IRAG1: variants seen among roughly 807,000 people sequenced by gnomAD.
IRAG1 encodes inositol 1,4,5-triphosphate receptor associated 1.
A neutral mutation model predicts 106.2 loss-of-function variants in IRAG1; 62 were observed. The observed-to-expected ratio is 0.58, with a 90% CI of 0.48 to 0.72. The LOEUF (loss-of-function observed/expected upper bound fraction) is 0.72, where lower values mean the gene tolerates loss of function less well. IRAG1 is among the 30% of genes least tolerant of loss of function. The probability of loss-of-function intolerance (pLI) is 0.00; values close to 1 mark genes in which losing one functional copy is unlikely to be tolerated. For synonymous variants in IRAG1, 462 were observed against 443.9 expected (o/e 1.04, Z -0.51); for missense variants, 1,064 against 1,140.7 (o/e 0.93, Z 0.97).
intron 1 of IRAG1, among the ~76,000 whole-genome samples, chr11:10,672,382 G>A (rs1860305760): frequency 6.6e-6 from 1 of 152,130 alleles, no homozygotes; most frequent in Non-Finnish European, 1.5e-5. Flanking sequence ...TGAAAGTGAT[G>A]CTATCAAGGA....
chr11:10,575,264 T>C lies in IRAG1; in HGVS notation c.*1068A>G, dbSNP rs1850758685. On this transcript the variant is annotated 3_prime_UTR_variant, in exon 21 of 21. Coordinates refer to ENST00000423302, the MANE Select transcript of IRAG1 (RefSeq NM_130385.4). The stretch of plus-strand genomic sequence containing the variant: ...CTGGGGTTGGAAACCCCATTTGAAC[T>C]GAAGCACTGAGGTGCAAGTTTACTC... The C allele has an allele frequency of 6.6e-6, 1 of 152,196 alleles. No homozygotes were observed. Among genetic ancestry groups the C allele is most frequent in the African/African-American group, 2.4e-5 (1 of 41,464 alleles). 9.4% of individuals were successfully genotyped at this position (152,196 alleles called of 1,614,324 possible). A position where few individuals can be genotyped will look rare whatever the true frequency, so the allele number is the denominator to read the frequency against.
rs747049874 is a variant in IRAG1, at chr11:10,591,626, A to G, written c.2176-14T>C. 4 of 1,581,422 alleles carry G rather than the reference A, an allele frequency of 2.5e-6. No individual in the cohort carries two copies. The highest frequency in any genetic ancestry group is 3.4e-6 in the Non-Finnish European group (4 of 1,163,010). On this transcript the variant is annotated splice_polypyrimidine_tract_variant and intron_variant, in intron 17 of 20. Coordinates refer to ENST00000423302, the MANE Select transcript of IRAG1 (RefSeq NM_130385.4). ...GGGTGATTCCGACTGAGTGAAAAAC[A>G]GAAGACAGAGAATTGAGGATGCGCT...
intron 1 of IRAG1, among the ~76,000 whole-genome samples, chr11:10,682,316 AC>A (rs1861320196): frequency 1.3e-5 from 2 of 152,174 alleles, no homozygotes; most frequent in African/African-American, 4.8e-5. Context: ...CCCCTCTGGG[AC>A]TCTAAAAAGT....
intron 1 of IRAG1, among the ~76,000 whole-genome samples, chr11:10,676,357 C>T (rs7939662): frequency 0.4 from 60,906 of 152,038 alleles, 12,557 homozygotes; most frequent in African/African-American, 0.47. Context: ...TGCATTTTCG[C>T]CCATGCGGTC....
intron 10 of IRAG1, among the ~76,000 whole-genome samples, chr11:10,621,054 A>C (rs1231706481): frequency 6.6e-6 from 1 of 152,252 alleles, no homozygotes; most frequent in African/African-American, 2.4e-5. Context: ...GCAAAGAAGA[A>C]AAATTGTTAG....
In IRAG1 at chr11:10,611,351, A is replaced by G. The variant is rs550855884; in HGVS notation, c.1448-1500T>C. ...CTTGTGTCACCCCTGGCATCATTCT[A>G]CCTTTATGTATGTATCCCTACCACA... On this transcript the variant is annotated intron_variant, in intron 10 of 20. Coordinates refer to ENST00000423302, the MANE Select transcript of IRAG1 (RefSeq NM_130385.4). Among the ~76,000 whole-genome samples the G allele has an allele frequency of 8.5e-5, 13 of 152,298 alleles. No homozygotes were observed. In the South Asian group the frequency reaches 1.9e-3, roughly 22 times the overall value.
At chr11:10,612,454 C>T (rs1855048036) in intron 10 of IRAG1, among the ~76,000 whole-genome samples, 1 of 152,074 alleles carries the variant, frequency 6.6e-6, no homozygotes, top group South Asian at 2.1e-4. Flanking sequence ...ACAAAACAAA[C>T]ACAAAATATA....
intron 1 of IRAG1, among the ~76,000 whole-genome samples, chr11:10,680,103 T>C (rs1861027863): frequency 6.6e-6 from 1 of 151,580 alleles, no homozygotes; most frequent in Non-Finnish European, 1.5e-5. Flanking sequence ...GTGAAACCTG[T>C]CTCTACTAAA....
At chr11:10,670,258 C>T (rs1463136620) in intron 1 of IRAG1, among the ~76,000 whole-genome samples, 1 of 152,216 alleles carries the variant, frequency 6.6e-6, no homozygotes, top group Non-Finnish European at 1.5e-5. Flanking sequence ...GTACTGTTTA[C>T]ACAACAGGAT....
chr11:10,690,929 A>T (rs747456658), intron 1 of IRAG1, among the ~76,000 whole-genome samples: 1 of 152,186 alleles, frequency 6.6e-6, no homozygotes, highest in Non-Finnish European at 1.5e-5. Context: ...GGGCAGGGGC[A>T]GGGCCAGAGT....
In IRAG1 at chr11:10,575,198, T is replaced by C. The variant is rs1022774888; in HGVS notation, c.*1134A>G. On this transcript the variant is annotated 3_prime_UTR_variant, in exon 21 of 21. Coordinates refer to ENST00000423302, the MANE Select transcript of IRAG1 (RefSeq NM_130385.4). The stretch of plus-strand genomic sequence containing the variant: ...GAGGGGATGTGCTCCTTCAGTGTTG[T>C]GCTAAATAACTGGGGATGCTCTGAA... 1.3e-5 allele frequency: 2 copies of C among 152,216 alleles called. No homozygotes were observed. Among genetic ancestry groups the C allele is most frequent in the Admixed American group, 6.5e-5 (1 of 15,280 alleles). The allele number at this position is 152,216 out of a possible 1,614,324, so 9.4% of individuals were successfully genotyped here. A position where few individuals can be genotyped will look rare whatever the true frequency, so the allele number is the denominator to read the frequency against.
At chr11:10,633,594 T>C (rs920817719) in intron 3 of IRAG1, among the ~76,000 whole-genome samples, 15 of 152,250 alleles carry the variant, frequency 9.9e-5, no homozygotes, top group Non-Finnish European at 1.9e-4. Context: ...GGACAGTTAT[T>C]ATGGGAAACT....
intron 10 of IRAG1, among the ~76,000 whole-genome samples, chr11:10,617,657 A>G (rs1290812440): frequency 3.3e-5 from 5 of 152,164 alleles, no homozygotes; most frequent in African/African-American, 7.2e-5. Flanking sequence ...GACATGTCCA[A>G]ACTCAAATTC....
chr11:10,643,313 C>G (rs1415080912), intron 2 of IRAG1, among the ~76,000 whole-genome samples: 5 of 152,146 alleles, frequency 3.3e-5, no homozygotes, highest in African/African-American at 1.2e-4. Context: ...TCCTCCCTGC[C>G]AAGCATAGAG....
At position 10,576,514 on chromosome 11, in the gene IRAG1, G is replaced by C. The variant is rs1420030614; in HGVS notation, c.2557C>G (p.Gln853Glu). Residue 853 changes from glutamine to glutamate, a missense_variant, in exon 21 of 21, where the codon CAA becomes GAA. Coordinates refer to ENST00000423302, the MANE Select transcript of IRAG1 (RefSeq NM_130385.4). ...ACTGCAGCCATCATCCAGATCACTT[G>C]CCAGTGCTGACACAGTTTGGGATAC... ...VMYPKLCQHW[Q>E]VIWMMAAVML... 2 of 1,613,992 alleles carry C rather than the reference G, an allele frequency of 1.2e-6. No individual in the cohort carries two copies. Among genetic ancestry groups the C allele is most frequent in the Admixed American group, 3.3e-5 (2 of 60,012 alleles).
intron 1 of IRAG1, among the ~76,000 whole-genome samples, chr11:10,673,232 G>A (rs374226894): frequency 2.6e-5 from 4 of 152,118 alleles, no homozygotes; most frequent in African/African-American, 9.7e-5. Flanking sequence ...GCAGTGAGCT[G>A]AGATCATGCC....
At chr11:10,693,432 G>GT in intron 1 of IRAG1, 104 bp downstream of exon 1, 1 of 1,480,970 alleles carries the variant, frequency 6.8e-7, no homozygotes, top group Non-Finnish European at 8.9e-7. Flanking sequence ...GAAAGTTAAA[G>GT]TTTAGCACCC....
At chr11:10,649,855 C>A (rs1858319697) in intron 2 of IRAG1, among the ~76,000 whole-genome samples, 1 of 152,136 alleles carries the variant, frequency 6.6e-6, no homozygotes, top group South Asian at 2.1e-4. Context: ...GACCCTGAGC[C>A]AGAACCAGAC....
intron 1 of IRAG1, among the ~76,000 whole-genome samples, chr11:10,680,364 AGAAAGAAGGAAG>A (rs1177921124): frequency 2.1e-5 from 1 of 48,346 alleles, no homozygotes; most frequent in Non-Finnish European, 3.6e-5. Context: ...AAAGAAAGAA[AGAAAGAAGGAAG>A]GAAGGAAGGA....
Sources: allele counts gnomAD v4.1 joint callset (sites outside exome capture counted in the v4.1 genomes callset), GRCh38; gene constraint gnomAD v4.1.1; transcripts MANE v1.5; gene names NCBI Gene and HGNC (gene_info 2026-07-23, HGNC 2026-07-21).